Variants in NFATC3 observed in about 807,000 individuals in gnomAD.
The protein encoded by NFATC3 is nuclear factor of activated T-cells, cytoplasmic 3.
NFATC3 carries 46 observed loss-of-function variants against 98.6 expected under a neutral mutation model. That is an observed-to-expected ratio of 0.47 (90% CI 0.37 to 0.60). The LOEUF is 0.60. NFATC3 is among the 20% of genes least tolerant of loss of function. The pLI, the probability that NFATC3 is intolerant of heterozygous loss-of-function variation, is 0.00. For missense variants in NFATC3, 1,256 were observed against 1,295.5 expected, an observed-to-expected ratio of 0.97 and a Z score of 0.47; for synonymous variants, 512 against 472.2, an observed-to-expected ratio of 1.08 and a Z score of -1.09.
chr16:68,085,785 G>T lies in NFATC3; in HGVS notation c.103+1G>T. On this transcript the variant is annotated splice_donor_variant, in intron 1 of 9. Transcript: ENST00000346183. LOFTEE classifies it high-confidence loss of function. ...CCGCCCCCGGGCTCGCGGCCTGCAG[G>T]TGGGTGCCGGGCCAGGCGGGACCGT... 1 of 1,477,056 alleles carries T rather than the reference G, an allele frequency of 6.8e-7. No homozygotes were observed. The highest frequency in any genetic ancestry group is 8.9e-7 in the Non-Finnish European group (1 of 1,121,234). The allele number at this position is 1,477,056 out of a possible 1,614,324, so 91.5% of individuals were successfully genotyped here.
chr16:68,097,214 A>T (rs2035064885), intron 1 of NFATC3, among the ~76,000 whole-genome samples: 1 of 152,234 alleles, frequency 6.6e-6, no homozygotes, highest in Admixed American at 6.5e-5. Context: ...ATTCATTTTA[A>T]TAAAATGTGC....
rs373757445 is a variant in NFATC3 at position 68,226,269 on chromosome 16, C to T, written c.3107-81C>T. On this transcript the variant is annotated intron_variant, in intron 9 of 9. Coordinates refer to ENST00000346183, the MANE Select transcript of NFATC3 (RefSeq NM_173165.3). The stretch of plus-strand genomic sequence containing the variant: ...CAGAAAGCCATGGGAAGGGAAATGT[C>T]TGAGGTAGAGCTCAGCGTTGGGCAT... The T allele has an allele frequency of 1.7e-4, 247 of 1,476,882 alleles. 1 individual carries two copies. Among genetic ancestry groups the T allele is most frequent in the Admixed American group, 5.4e-4 (20 of 36,848 alleles). The allele number at this position is 1,476,882 out of a possible 1,614,324, so 91.5% of individuals were successfully genotyped here.
Position 68,154,714 on chromosome 16 carries a change from G to A in NFATC3, c.1402-3155G>A, listed in dbSNP as rs373614167. On this transcript the variant is annotated intron_variant, in intron 3 of 9. Coordinates refer to ENST00000346183, the MANE Select transcript of NFATC3 (RefSeq NM_173165.3). The stretch of plus-strand genomic sequence containing the variant: ...GAGGGATAAAATATTAAGTGTGAAA[G>A]CCCTGACATTAGGAGTGAGCTTGAG... 7.9e-5 allele frequency among the ~76,000 whole-genome samples: 12 copies of A among 152,310 alleles called. No homozygotes were observed. In the East Asian group the frequency reaches 1.9e-3, roughly 24 times the overall value.
chr16:68,199,865 T>TG (rs2040842438), intron 9 of NFATC3: 1 of 151,408 alleles, frequency 6.6e-6, no homozygotes, highest in Non-Finnish European at 1.5e-5. Flanking sequence ...GGATTACAGG[T>TG]GTGAGCCACT....
At chr16:68,209,251 C>T (rs1379437596) in intron 9 of NFATC3, among the ~76,000 whole-genome samples, 1 of 152,102 alleles carries the variant, frequency 6.6e-6, no homozygotes, top group Admixed American at 6.5e-5. Flanking sequence ...CCTGTGATAC[C>T]AGCACTTTGG....
At chr16:68,194,519 G>A (rs887511585) in intron 9 of NFATC3, among the ~76,000 whole-genome samples, 1 of 152,184 alleles carries the variant, frequency 6.6e-6, no homozygotes, top group Non-Finnish European at 1.5e-5. Context: ...TGAAATAAAG[G>A]CTTACGCAAA....
chr16:68,115,729 G>GTTT lies in NFATC3; in HGVS notation c.104-6251_104-6249dup, dbSNP rs554773002. Among the ~76,000 whole-genome samples, 1,009 of 150,588 alleles carry GTTT rather than the reference G, an allele frequency of 6.7e-3. 11 individuals carry two copies. Among genetic ancestry groups the GTTT allele is most frequent in the Non-Finnish European group, 0.012 (799 of 67,500 alleles). Reference sequence around the variant, plus strand: ...CGTGAGCCACCATACCTGGCCGATTGTTTTTTTTTGTTGTTGTTGTTTGTT... The same window carrying GTTT: ...CGTGAGCCACCATACCTGGCCGATTGTTTTTTTTTTTTGTTGTTGTTGTTTGTT... On this transcript the variant is annotated intron_variant, in intron 1 of 9. Transcript: ENST00000346183.
At chr16:68,176,159 G>A (rs781241843) in intron 6 of NFATC3, among the ~76,000 whole-genome samples, 15 of 152,138 alleles carry the variant, frequency 9.9e-5, no homozygotes, top group Admixed American at 3.3e-4. Context: ...TGGATTTTTA[G>A]TAGAAATGGG....
intron 1 of NFATC3, 186 bp downstream of exon 1, chr16:68,085,970 TG>T: frequency 2.2e-6 from 1 of 458,148 alleles, no homozygotes; most frequent in East Asian, 3.8e-5. Context: ...CGCTGCGACG[TG>T]GAAGTGGTGG....
intron 9 of NFATC3, among the ~76,000 whole-genome samples, chr16:68,201,325 G>A (rs1030287643): frequency 3.3e-5 from 5 of 152,122 alleles, no homozygotes; most frequent in African/African-American, 1.2e-4. Context: ...TGACCTCCTG[G>A]GACTCAGGTG....
At chr16:68,221,010 G>C (rs1383475029) in intron 9 of NFATC3, among the ~76,000 whole-genome samples, 1 of 152,144 alleles carries the variant, frequency 6.6e-6, no homozygotes, top group African/African-American at 2.4e-5. Context: ...GCTTCCCCTA[G>C]TGTTGGGATA....
chr16:68,124,458 A>T (rs1243698848), intron 2 of NFATC3, among the ~76,000 whole-genome samples: 5 of 136,192 alleles, frequency 3.7e-5, no homozygotes, highest in Non-Finnish European at 7.8e-5. Context: ...TAAGAGATGG[A>T]GTCTCGCTCT....
chr16:68,129,579 T>C (rs1419926267), intron 3 of NFATC3, among the ~76,000 whole-genome samples: 1 of 152,044 alleles, frequency 6.6e-6, no homozygotes, highest in East Asian at 1.9e-4. Flanking sequence ...ATTACTCAAA[T>C]GTTGGCTTAT....
chr16:68,174,921 G>A lies in NFATC3; in HGVS notation c.1915+407G>A, dbSNP rs1301188428. Among the ~76,000 whole-genome samples the A allele has an allele frequency of 3.3e-5, 5 of 152,198 alleles. No homozygotes were observed. The South Asian group carries it at 8.3e-4, about 25-fold the overall frequency. ...ATTCCCCCAGCAACTCTACTCCTAA[G>A]TGTTTACTTGAAAGGGTTAGAAATA... is the stretch of plus-strand genomic sequence containing the variant. On this transcript the variant is annotated intron_variant, in intron 6 of 9. Transcript: ENST00000346183.
intron 1 of NFATC3, among the ~76,000 whole-genome samples, chr16:68,107,835 T>C (rs957728693): frequency 1.8e-4 from 27 of 152,024 alleles, no homozygotes; most frequent in Non-Finnish European, 3.5e-4. Flanking sequence ...TTGAGCTTTT[T>C]TTATGTTTGT....
chr16:68,123,065 A>T lies in NFATC3; in HGVS notation c.1182A>T (p.Ser394=), dbSNP rs1406425929. 2 of 1,610,420 alleles carry T rather than the reference A, an allele frequency of 1.2e-6. No individual in the cohort carries two copies. Among genetic ancestry groups the T allele is most frequent in the East Asian group, 4.5e-5 (2 of 44,886 alleles). The change falls in exon 2 of 10, where the codon TCA becomes TCT. Residue 394 remains serine, a synonymous_variant. Transcript: ENST00000346183. ...KKDSCGDQFL[S]VPSPFTWSKP... Reference sequence around the variant, plus strand: ...ATTCATGTGGTGATCAGTTTCTTTCAGTTCCTTCACCCTTTACCTGGAGCA... The same window carrying T: ...ATTCATGTGGTGATCAGTTTCTTTCTGTTCCTTCACCCTTTACCTGGAGCA...
chr16:68,205,693 A>G (rs1417762650), intron 9 of NFATC3, among the ~76,000 whole-genome samples: 1 of 152,144 alleles, frequency 6.6e-6, no homozygotes, highest in Non-Finnish European at 1.5e-5. Flanking sequence ...CTATGCATTT[A>G]TAAACAGTTG....
rs78838121 is a variant in NFATC3, at chr16:68,172,808, A to G, written c.1775-1566A>G. On this transcript the variant is annotated intron_variant, in intron 5 of 9. Transcript: ENST00000346183. ...TCCAACAAACAAAAACAACCGTTAG[A>G]GAACCTACACAATGAAAAGAAGTAT... Among the ~76,000 whole-genome samples, 4 of 152,208 alleles carry G rather than the reference A, an allele frequency of 2.6e-5. No homozygotes were observed. The East Asian group carries it at 7.7e-4, about 29-fold the overall frequency.
intron 7 of NFATC3, among the ~76,000 whole-genome samples, chr16:68,182,044 G>C (rs1189993531): frequency 6.6e-6 from 1 of 152,102 alleles, no homozygotes; most frequent in Non-Finnish European, 1.5e-5. Flanking sequence ...ATTGTATATA[G>C]GGAAGGAGAA....
Sources: gnomAD v4.1 joint callset for allele counts (sites outside exome capture counted in the v4.1 genomes callset) on GRCh38, gnomAD v4.1.1 for gene constraint, MANE v1.5 for transcripts, NCBI Gene and HGNC (gene_info 2026-07-23, HGNC 2026-07-21) for gene names.